SGCZ: variants seen among roughly 807,000 people sequenced by gnomAD.
SGCZ encodes the protein sarcoglycan zeta.
A neutral mutation model predicts 41.3 loss-of-function variants in SGCZ; 40 were observed. That is an observed-to-expected ratio of 0.97 (90% CI 0.75 to 1.26). SGCZ has a LOEUF of 1.26. Among genes scored for constraint, SGCZ ranks in the 50% most tolerant of loss-of-function variants. The pLI is 0.00. For missense variants in SGCZ, 552 were observed against 369.8 expected (o/e 1.49, Z -4.04); for synonymous variants, 206 against 137.5 (o/e 1.50, Z -3.49).
At chr8:14,485,559 T>G (rs146371323) in intron 2 of SGCZ, among the ~76,000 whole-genome samples, 1 of 152,206 alleles carries the variant, frequency 6.6e-6, no homozygotes, top group Non-Finnish European at 1.5e-5. Context: ...TTAACCACAT[T>G]ATTAATGCTT....
intron 1 of SGCZ, among the ~76,000 whole-genome samples, chr8:14,957,192 G>C (rs906545659): frequency 6.6e-6 from 1 of 151,998 alleles, no homozygotes; most frequent in Non-Finnish European, 1.5e-5. Context: ...TATGCAAATA[G>C]CCATGTAAAT....
intron 3 of SGCZ, among the ~76,000 whole-genome samples, chr8:14,306,115 T>C (rs921475728): frequency 7.2e-5 from 11 of 152,212 alleles, no homozygotes; most frequent in African/African-American, 2.7e-4. Context: ...CAAAGGTTTT[T>C]TGTTTTGTTT....
At chr8:14,138,742 G>A (rs1803278004) in intron 5 of SGCZ, among the ~76,000 whole-genome samples, 1 of 152,050 alleles carries the variant, frequency 6.6e-6, no homozygotes, top group Non-Finnish European at 1.5e-5. Flanking sequence ...GATAATAATG[G>A]GAGATTTTAA....
intron 1 of SGCZ, among the ~76,000 whole-genome samples, chr8:14,843,269 G>C (rs1802988432): frequency 6.6e-6 from 1 of 152,038 alleles, no homozygotes; most frequent in Non-Finnish European, 1.5e-5. Context: ...TTTGCAACAA[G>C]GACAGGAAGT....
intron 1 of SGCZ, among the ~76,000 whole-genome samples, chr8:15,229,140 C>T (rs546290116): frequency 6.6e-6 from 1 of 151,828 alleles, no homozygotes; most frequent in Non-Finnish European, 1.5e-5. Flanking sequence ...TGTAGTGAAC[C>T]GAGATCGTGC....
chr8:14,563,069 T>C (rs756056100), intron 1 of SGCZ, among the ~76,000 whole-genome samples: 1 of 152,150 alleles, frequency 6.6e-6, no homozygotes, highest in Non-Finnish European at 1.5e-5. Flanking sequence ...TATGAAAAAC[T>C]GAAGATAGCT....
At chr8:14,852,393 T>C (rs1406919774) in intron 1 of SGCZ, among the ~76,000 whole-genome samples, 1 of 152,190 alleles carries the variant, frequency 6.6e-6, no homozygotes, top group Non-Finnish European at 1.5e-5. Context: ...GGCTACAGAA[T>C]ATTCTTATGC....
rs1166868997 is a variant in SGCZ at position 14,702,822 on chromosome 8, TAGATA to T, written c.40-147901_40-147897del. Reference sequence around the variant, plus strand: ...ACAGGTAGGTAGTTAGGTAGATAGATAGATAGATAGATAGATAGATAGATAGATAG... The same window carrying T: ...ACAGGTAGGTAGTTAGGTAGATAGATGATAGATAGATAGATAGATAGATAG... On this transcript the variant is annotated intron_variant, in intron 1 of 7. Coordinates refer to ENST00000382080, the MANE Select transcript of SGCZ (RefSeq NM_139167.4). 6.6e-4 allele frequency among the ~76,000 whole-genome samples: 6 copies of T among 9,110 alleles called. 1 individual carries two copies. In the East Asian group the frequency reaches 0.012, roughly 18 times the overall value. The allele number at this position is 9,110 out of a possible 152,430, so 6.0% of individuals were successfully genotyped here.
chr8:14,965,186 T>C (rs943421089), intron 1 of SGCZ, among the ~76,000 whole-genome samples: 1 of 152,130 alleles, frequency 6.6e-6, no homozygotes, highest in Non-Finnish European at 1.5e-5. Flanking sequence ...CTCAAAAAGC[T>C]AGTTGACATC....
At chr8:14,885,455 T>C (rs1804751995) in intron 1 of SGCZ, among the ~76,000 whole-genome samples, 1 of 152,114 alleles carries the variant, frequency 6.6e-6, no homozygotes, top group African/African-American at 2.4e-5. Context: ...ATGTAATTAA[T>C]TGGGTTGGAT....
At chr8:14,616,705 G>A (rs982169682) in intron 1 of SGCZ, among the ~76,000 whole-genome samples, 3 of 152,034 alleles carry the variant, frequency 2.0e-5, no homozygotes, top group African/African-American at 4.8e-5. Flanking sequence ...TTCAGGACAC[G>A]TTTAATTTAG....
chr8:14,197,291 T>G (rs900770063), intron 4 of SGCZ, among the ~76,000 whole-genome samples: 1 of 152,126 alleles, frequency 6.6e-6, no homozygotes, highest in African/African-American at 2.4e-5. Context: ...TCACAACTTA[T>G]TGTGACACGA....
intron 2 of SGCZ, among the ~76,000 whole-genome samples, chr8:14,421,437 T>G (rs1239005926): frequency 6.6e-6 from 1 of 152,116 alleles, no homozygotes; most frequent in African/African-American, 2.4e-5. Context: ...ATATACCAGG[T>G]CTTGGGATCC....
intron 1 of SGCZ, among the ~76,000 whole-genome samples, chr8:15,144,979 G>C (rs1222141811): frequency 6.6e-6 from 1 of 152,104 alleles, no homozygotes; most frequent in African/African-American, 2.4e-5. Context: ...AGTTTGTCTG[G>C]CATAATAAAC....
intron 1 of SGCZ, among the ~76,000 whole-genome samples, chr8:14,991,449 A>G (rs1802011714): frequency 6.6e-6 from 1 of 152,172 alleles, no homozygotes; most frequent in Admixed American, 6.5e-5. Flanking sequence ...CAGGATAAAG[A>G]CACTGCATAT....
chr8:14,965,645 A>C (rs1563396907), intron 1 of SGCZ, among the ~76,000 whole-genome samples: 1 of 152,172 alleles, frequency 6.6e-6, no homozygotes, highest in Non-Finnish European at 1.5e-5. Context: ...AGATATTAAC[A>C]TAGCATTTTT....
At chr8:14,370,219 T>C (rs1290486247) in intron 2 of SGCZ, among the ~76,000 whole-genome samples, 1 of 151,936 alleles carries the variant, frequency 6.6e-6, no homozygotes, top group Non-Finnish European at 1.5e-5. Flanking sequence ...CTCAGTTCTC[T>C]GTAAGTTAAA....
intron 3 of SGCZ, among the ~76,000 whole-genome samples, chr8:14,285,669 G>A (rs2116930017): frequency 6.6e-6 from 1 of 152,236 alleles, no homozygotes; most frequent in East Asian, 1.9e-4. Context: ...AAGAAGTCCT[G>A]ACTATCCCAA....
At chr8:14,347,461 G>A (rs2117095125) in intron 2 of SGCZ, among the ~76,000 whole-genome samples, 2 of 152,064 alleles carry the variant, frequency 1.3e-5, no homozygotes, top group Admixed American at 1.3e-4. Flanking sequence ...TGTTCTTCAG[G>A]AAATTGTGTG....
Sources: allele counts gnomAD v4.1 joint callset (sites outside exome capture counted in the v4.1 genomes callset), GRCh38; gene constraint gnomAD v4.1.1; transcripts MANE v1.5; gene names NCBI Gene and HGNC (gene_info 2026-07-23, HGNC 2026-07-21).